Variants in DNAH11 observed in about 807,000 individuals in gnomAD.
The protein encoded by DNAH11 is dynein axonemal heavy chain 11, also known as axonemal beta dynein heavy chain 11.
Under a neutral mutation model 526.0 loss-of-function variants are expected in DNAH11, and 442 were observed. The ratio of observed to expected loss-of-function variants is 0.84; its 90% CI spans 0.78 to 0.91. The LOEUF (loss-of-function observed/expected upper bound fraction) is 0.91. DNAH11 is among the 40% of genes least tolerant of loss of function. DNAH11 has a pLI of 0.00. For synonymous variants in DNAH11, 2,461 were observed against 1,935.9 expected, an observed-to-expected ratio of 1.27 and a Z score of -7.12; for missense variants, 6,989 against 5,448.7, an observed-to-expected ratio of 1.28 and a Z score of -8.90.
intron 65 of DNAH11, among the ~76,000 whole-genome samples, chr7:21,823,316 A>T (rs984506592): frequency 6.6e-6 from 1 of 151,882 alleles, no homozygotes; most frequent in Admixed American, 6.6e-5. Context: ...TTCCCCATCA[A>T]TGTTTTGGAA....
intron 55 of DNAH11, among the ~76,000 whole-genome samples, chr7:21,766,543 G>A (rs4722053): frequency 2.0e-5 from 3 of 151,934 alleles, no homozygotes; most frequent in Non-Finnish European, 4.4e-5. Context: ...TAGCCCCACC[G>A]TTACCCAAAA....
intron 8 of DNAH11, among the ~76,000 whole-genome samples, chr7:21,574,048 A>C (rs1294967947): frequency 6.6e-6 from 1 of 152,212 alleles, no homozygotes; most frequent in Admixed American, 6.5e-5. Context: ...AGGTGTGCCC[A>C]TAAAAATGGT....
intron 54 of DNAH11, among the ~76,000 whole-genome samples, chr7:21,758,468 C>T (rs1180225448): frequency 2.6e-5 from 4 of 152,146 alleles, no homozygotes; most frequent in East Asian, 3.9e-4. Context: ...ACTGAGTGCC[C>T]GTGATGTGCT....
intron 55 of DNAH11, among the ~76,000 whole-genome samples, chr7:21,768,069 G>A (rs1787255937): frequency 6.6e-6 from 1 of 152,152 alleles, no homozygotes; most frequent in Non-Finnish European, 1.5e-5. Flanking sequence ...TTTTTCTGTT[G>A]CCTAATATTG....
intron 2 of DNAH11, among the ~76,000 whole-genome samples, chr7:21,546,939 G>A (rs969629520): frequency 3.3e-5 from 5 of 152,202 alleles, no homozygotes; most frequent in Non-Finnish European, 7.3e-5. Context: ...AAGAGAAACA[G>A]AAGGTAAGTA....
rs375957616 is a variant in DNAH11 at position 21,825,775 on chromosome 7, C to T, written c.10691+7436C>T. 8.2e-4 allele frequency among the ~76,000 whole-genome samples: 124 copies of T among 151,958 alleles called. 1 individual carries two copies. Among genetic ancestry groups the T allele is most frequent in the East Asian group, 7.8e-3 (40 of 5,146 alleles). On this transcript the variant is annotated intron_variant, in intron 65 of 81. Transcript: ENST00000409508. ...GAGATCGAGACCAACCTGGCGAACA[C>T]GGTGAAACCCCTTCTCTACTAAAAA...
chr7:21,895,477 G>A (rs571614544), intron 79 of DNAH11, among the ~76,000 whole-genome samples: 1 of 152,260 alleles, frequency 6.6e-6, no homozygotes, highest in South Asian at 2.1e-4. Context: ...GGGTATAACT[G>A]CAGAGATGTG....
chr7:21,731,040 A>T (rs189481611), intron 45 of DNAH11, among the ~76,000 whole-genome samples: 113 of 152,210 alleles, frequency 7.4e-4, no homozygotes, highest in African/African-American at 2.5e-3. Flanking sequence ...GCTACTCGGG[A>T]GGCTGAGGCA....
intron 25 of DNAH11, among the ~76,000 whole-genome samples, chr7:21,629,540 C>A (rs1267271962): frequency 6.6e-6 from 1 of 152,118 alleles, no homozygotes; most frequent in Non-Finnish European, 1.5e-5. Flanking sequence ...TGCAGCCTAT[C>A]TTTCCCTTTA....
chr7:21,833,001 C>G (rs1174362080), intron 65 of DNAH11, among the ~76,000 whole-genome samples: 1 of 152,222 alleles, frequency 6.6e-6, no homozygotes, highest in Non-Finnish European at 1.5e-5. Flanking sequence ...AATACACACA[C>G]ATAAACACAA....
rs201494403 is a variant in DNAH11, at chr7:21,787,528, C to G, written c.9869C>G (p.Ser3290Cys). Reference sequence around the variant, plus strand: ...AATCCAAACCTGATTCGAACCAAATCTTTTGCAGCAGCTGGCCTGTGTGCC... The same window carrying G: ...AATCCAAACCTGATTCGAACCAAATGTTTTGCAGCAGCTGGCCTGTGTGCC... ...EFNPNLIRTK[S>C]FAAAGLCAWV... The change falls in exon 60 of 82, where the codon TCT becomes TGT. Residue 3290 changes from serine to cysteine, a missense_variant. Physicochemically the swap from Ser to Cys is moderately radical, Grantham distance 112. Coordinates refer to ENST00000409508, the MANE Select transcript of DNAH11 (RefSeq NM_001277115.2). The G allele has an allele frequency of 2.0e-4, 315 of 1,613,440 alleles. No individual in the cohort carries two copies. Among genetic ancestry groups the G allele is most frequent in the Non-Finnish European group, 2.5e-4 (297 of 1,179,698 alleles).
chr7:21,779,211 A>G (rs961425549), intron 57 of DNAH11, 107 bp downstream of exon 57: 4 of 1,352,480 alleles, frequency 3.0e-6, no homozygotes, highest in East Asian at 2.5e-5. Flanking sequence ...CATAAAGTCT[A>G]AAGAATTATT....
intron 28 of DNAH11, among the ~76,000 whole-genome samples, chr7:21,651,321 T>G (rs1351478921): frequency 6.6e-6 from 1 of 152,124 alleles, no homozygotes; most frequent in Non-Finnish European, 1.5e-5. Context: ...AGAATATAAT[T>G]GTAAGCTGCC....
intron 68 of DNAH11, among the ~76,000 whole-genome samples, chr7:21,858,889 T>A (rs2128028703): frequency 6.6e-6 from 1 of 152,226 alleles, no homozygotes; most frequent in East Asian, 1.9e-4. Flanking sequence ...AAAAACTGAT[T>A]TTAAGAAAGT....
In DNAH11 at chr7:21,901,178, G is replaced by C. The variant is rs1220464771; in HGVS notation, c.13475G>C (p.Trp4492Ser). ...AAACTGAGAGGCCCCAGCTACATCT[G>C]GACCTTCAGGCTGAAGAGCGAAGAG... is the stretch of plus-strand genomic sequence containing the variant. ...RTKLRGPSYI[W>S]TFRLKSEEKT... is the part of the protein sequence containing the mutation. The change falls in exon 82 of 82, where the codon TGG becomes TCG. Residue 4492 changes from tryptophan to serine, a missense_variant. Transcript: ENST00000409508. The C allele has an allele frequency of 6.2e-7, 1 of 1,613,884 alleles. No individual in the cohort carries two copies. Among genetic ancestry groups the C allele is most frequent in the Non-Finnish European group, 8.5e-7 (1 of 1,179,848 alleles).
At chr7:21,851,844 G>A (rs1269471030) in intron 66 of DNAH11, among the ~76,000 whole-genome samples, 3 of 152,042 alleles carry the variant, frequency 2.0e-5, no homozygotes, top group Non-Finnish European at 4.4e-5. Context: ...TTTTGAGAAC[G>A]GAAATGAGAC....
chr7:21,556,193 T>A (rs144850192), intron 2 of DNAH11, among the ~76,000 whole-genome samples: 1,755 of 152,300 alleles, frequency 0.012, 56 homozygotes, highest in South Asian at 0.081. Flanking sequence ...AGTGAAACTT[T>A]CCTCCCTTTT....
At position 21,635,815 on chromosome 7, in the gene DNAH11, G is replaced by A. The variant is rs777170477; in HGVS notation, c.4501-56G>A. On this transcript the variant is annotated intron_variant, in intron 25 of 81. Transcript: ENST00000409508. ...GAGTAGATATAGTGCCTCCCTCATA[G>A]CACTCACATTCTACTAAATTTAGCT... 2.3e-4 allele frequency: 323 copies of A among 1,408,152 alleles called. 2 individuals are homozygous for A. Among genetic ancestry groups the A allele is most frequent in the Non-Finnish European group, 3.0e-4 (311 of 1,035,660 alleles). 87.2% of individuals were successfully genotyped at this position (1,408,152 alleles called of 1,614,324 possible). A position where few individuals can be genotyped will look rare whatever the true frequency, so the allele number is the denominator to read the frequency against.
Position 21,630,429 on chromosome 7 carries a change from C to T in DNAH11, c.4501-5442C>T, listed in dbSNP as rs142187009. 6.4e-4 allele frequency among the ~76,000 whole-genome samples: 98 copies of T among 152,282 alleles called. 2 individuals carry two copies. Among genetic ancestry groups the T allele is most frequent in the African/African-American group, 2.3e-3 (94 of 41,538 alleles). On this transcript the variant is annotated intron_variant, in intron 25 of 81. Transcript: ENST00000409508. ...CCAGTGGGTTTTATGGCTTTAAATA[C>T]ATTGTTTAATGTCAGTGTTTTTCTA...
Sources: allele counts gnomAD v4.1 joint callset (sites outside exome capture counted in the v4.1 genomes callset), GRCh38; gene constraint gnomAD v4.1.1; transcripts MANE v1.5; gene names NCBI Gene and HGNC (gene_info 2026-07-23, HGNC 2026-07-21).